The following SLC15A4 variants were observed in gnomAD, a reference collection of about 807,000 sequenced individuals.
SLC15A4 encodes the protein hPHT1.
A neutral mutation model predicts 46.1 loss-of-function variants in SLC15A4; 26 were observed. That is an observed-to-expected ratio of 0.56 (90% CI 0.41 to 0.78). The LOEUF is 0.78. Ranked by LOEUF, SLC15A4 falls within the 30% of genes least tolerant of loss-of-function variation. The pLI is 0.00. For missense variants in SLC15A4, 751 were observed against 755.7 expected (o/e 0.99, Z 0.07); for synonymous variants, 370 against 333.4 (o/e 1.11, Z -1.20).
In SLC15A4 at chr12:128,823,534, C is replaced by T. The variant is rs747843215; in HGVS notation, c.410G>A (p.Arg137His). Residue 137 changes from arginine (R) to histidine (H), a missense_variant, in exon 1 of 8, where the codon CGC becomes CAC. By Grantham distance (29) the Arg-to-His change is conservative. Transcript: ENST00000266771. The part of the protein sequence containing the change: ...ATRAALCGSA[R>H]LLNCTAPGPD... ...ACCAGGCGCCGTGCAGTTGAGCAGG[C>T]GCGCGGAACCGCAGAGCGCGGCTCG... 6 of 1,464,840 alleles carry T rather than the reference C, an allele frequency of 4.1e-6. No homozygotes were observed. In the South Asian group the frequency reaches 6.5e-5, roughly 16 times the overall value. 90.7% of individuals were successfully genotyped at this position (1,464,840 alleles called of 1,614,324 possible). A position where few individuals can be genotyped will look rare whatever the true frequency, so the allele number is the denominator to read the frequency against.
intron 5 of SLC15A4, among the ~76,000 whole-genome samples, chr12:128,806,367 C>G (rs1284938176): frequency 6.6e-6 from 1 of 151,844 alleles, no homozygotes; most frequent in Admixed American, 6.6e-5. Flanking sequence ...ATTTTTCAAC[C>G]CTTCAGCTAA....
intron 5 of SLC15A4, among the ~76,000 whole-genome samples, chr12:128,803,811 C>T (rs561167814): frequency 2.6e-5 from 4 of 152,248 alleles, no homozygotes; most frequent in African/African-American, 7.2e-5. Flanking sequence ...ATTCTTGAGG[C>T]CTACAACATG....
chr12:128,816,119 T>C (rs921247264), intron 1 of SLC15A4, among the ~76,000 whole-genome samples: 1 of 152,222 alleles, frequency 6.6e-6, no homozygotes, highest in Non-Finnish European at 1.5e-5. Flanking sequence ...ACTGACTTCC[T>C]GGACTCAAAC....
chr12:128,795,065 G>A (rs1955429141), intron 7 of SLC15A4, among the ~76,000 whole-genome samples: 1 of 152,096 alleles, frequency 6.6e-6, no homozygotes, highest in Non-Finnish European at 1.5e-5. Flanking sequence ...TCTCTTTATC[G>A]AATCCTGAGG....
intron 2 of SLC15A4, among the ~76,000 whole-genome samples, chr12:128,812,380 T>C (rs1351972330): frequency 1.3e-5 from 2 of 152,096 alleles, no homozygotes; most frequent in African/African-American, 2.4e-5. Flanking sequence ...AGTGCAGTGG[T>C]GTGATCGCGG....
At chr12:128,808,649 A>T (rs761149864) in intron 5 of SLC15A4, 139 bp downstream of exon 5, 15 of 778,288 alleles carry the variant, frequency 1.9e-5, no homozygotes, top group South Asian at 5.5e-5. Context: ...TTAGTGCTGT[A>T]AAATAACTGA....
At chr12:128,799,933 C>T (rs1210756328) in intron 6 of SLC15A4, among the ~76,000 whole-genome samples, 3 of 152,082 alleles carry the variant, frequency 2.0e-5, no homozygotes, top group African/African-American at 4.8e-5. Context: ...CTTCCGCCTC[C>T]CTGGTTCAAG....
At chr12:128,799,579 C>A (rs1312237030) in intron 6 of SLC15A4, among the ~76,000 whole-genome samples, 162 bp from the exon 7 acceptor site, 4 of 152,152 alleles carry the variant, frequency 2.6e-5, no homozygotes, top group African/African-American at 7.2e-5. Flanking sequence ...TGCTTACTAG[C>A]GACCAAGAAT....
In SLC15A4 at chr12:128,794,095, G is replaced by T; in HGVS notation, c.*101C>A. On this transcript the variant is annotated 3_prime_UTR_variant, in exon 8 of 8. Transcript: ENST00000266771. The stretch of plus-strand genomic sequence containing the variant: ...CAGGCAACATGCAAGTTTCAGTGAA[G>T]TCAGACATTTTATGGGAATTTAAAG... 2 of 1,164,936 alleles carry T rather than the reference G, an allele frequency of 1.7e-6. No individual in the cohort carries two copies. Among genetic ancestry groups the T allele is most frequent in the Non-Finnish European group, 2.4e-6 (2 of 825,568 alleles). The allele number at this position is 1,164,936 out of a possible 1,614,324, so 72.2% of individuals were successfully genotyped here.
chr12:128,810,249 T>C (rs1955640039), intron 2 of SLC15A4, 138 bp from the exon 3 acceptor site: 2 of 746,154 alleles, frequency 2.7e-6, no homozygotes, highest in Non-Finnish European at 4.3e-6. Flanking sequence ...TTACTAATTG[T>C]ACACACCCAA....
At chr12:128,809,250 C>T (rs1955624651) in intron 4 of SLC15A4, 146 bp downstream of exon 4, 2 of 619,612 alleles carry the variant, frequency 3.2e-6, no homozygotes, top group Non-Finnish European at 5.5e-6. Context: ...AAAATATTCT[C>T]TAAAATAAGT....
chr12:128,796,867 C>A (rs1469992797), intron 7 of SLC15A4, among the ~76,000 whole-genome samples: 1 of 152,202 alleles, frequency 6.6e-6, no homozygotes, highest in Non-Finnish European at 1.5e-5. Flanking sequence ...GCCACGTGAA[C>A]TGAAGGCTGA....
chr12:128,809,714 C>A, intron 3 of SLC15A4: 3 of 539,232 alleles, frequency 5.6e-6, no homozygotes, highest in Non-Finnish European at 6.4e-6. Context: ...CAAGAGGGGC[C>A]TGAAAAACCA....
chr12:128,804,148 T>C (rs1277792726), intron 5 of SLC15A4, among the ~76,000 whole-genome samples: 1 of 152,232 alleles, frequency 6.6e-6, no homozygotes, highest in South Asian at 2.1e-4. Flanking sequence ...AACGGAAGCC[T>C]TGAAATCCCC....
chr12:128,793,992 G>T lies in SLC15A4; in HGVS notation c.*204C>A. 1 of 422,664 alleles carries T rather than the reference G, an allele frequency of 2.4e-6. No homozygotes were observed. Among genetic ancestry groups the T allele is most frequent in the Admixed American group, 4.1e-5 (1 of 24,280 alleles). The allele number at this position is 422,664 out of a possible 1,614,324, so 26.2% of individuals were successfully genotyped here. A position where few individuals can be genotyped will look rare whatever the true frequency, so the allele number is the denominator to read the frequency against. On this transcript the variant is annotated 3_prime_UTR_variant, in exon 8 of 8. Coordinates refer to ENST00000266771, the MANE Select transcript of SLC15A4 (RefSeq NM_145648.4). ...GAAATCTGCAGCTCTCCTCCCGGAGGGCCCAGCGTGCCAGGAGACACGCTG... is the reference window on the plus strand; with the variant it reads ...GAAATCTGCAGCTCTCCTCCCGGAGTGCCCAGCGTGCCAGGAGACACGCTG...
intron 7 of SLC15A4, among the ~76,000 whole-genome samples, chr12:128,796,736 G>A (rs1308119246): frequency 6.6e-6 from 1 of 152,196 alleles, no homozygotes; most frequent in African/African-American, 2.4e-5. Context: ...ACTGGCATTT[G>A]ACGCTACTGA....
intron 7 of SLC15A4, 90 bp from the exon 8 acceptor site, chr12:128,794,446 G>T: frequency 7.9e-7 from 1 of 1,260,324 alleles, no homozygotes; most frequent in Non-Finnish European, 1.1e-6. Context: ...TCCCACTAAG[G>T]TTTAACTGGA....
chr12:128,802,596 C>T (rs1424773065), intron 5 of SLC15A4, among the ~76,000 whole-genome samples: 1 of 152,084 alleles, frequency 6.6e-6, no homozygotes, highest in Non-Finnish European at 1.5e-5. Context: ...GGGGGCGGGA[C>T]AAGGGAAGGT....
chr12:128,816,794 A>C (rs925793140), intron 1 of SLC15A4, among the ~76,000 whole-genome samples: 15 of 151,902 alleles, frequency 9.9e-5, no homozygotes, highest in South Asian at 6.2e-4. Context: ...GCACCACTGC[A>C]CTCCTGCCTA....
Sources: gnomAD v4.1 joint callset for allele counts (sites outside exome capture counted in the v4.1 genomes callset) on GRCh38, gnomAD v4.1.1 for gene constraint, MANE v1.5 for transcripts, NCBI Gene and HGNC (gene_info 2026-07-23, HGNC 2026-07-21) for gene names.